The following MYH10 variants were observed in gnomAD, a reference collection of about 807,000 sequenced individuals.
The protein encoded by MYH10 is myosin heavy chain 10.
A neutral mutation model predicts 257.8 loss-of-function variants in MYH10; 55 were observed. The ratio of observed to expected loss-of-function variants is 0.21; its 90% CI spans 0.17 to 0.27. The LOEUF is 0.27. MYH10 is among the 10% of genes least tolerant of loss of function. The probability of loss-of-function intolerance (pLI) is 1.00; values close to 1 mark genes in which losing one functional copy is unlikely to be tolerated. For synonymous variants in MYH10, 854 were observed against 921.7 expected (o/e 0.93, Z 1.33); for missense variants, 1,631 against 2,500.6 (o/e 0.65, Z 7.42).
At chr17:8,523,770 A>T (rs2081739384) in intron 17 of MYH10, among the ~76,000 whole-genome samples, 1 of 152,218 alleles carries the variant, frequency 6.6e-6, no homozygotes, top group Non-Finnish European at 1.5e-5. Context: ...GGAAGATTCA[A>T]CAGGTATTTT....
At chr17:8,580,162 C>T (rs966670485) in intron 4 of MYH10, among the ~76,000 whole-genome samples, 3 of 152,036 alleles carry the variant, frequency 2.0e-5, no homozygotes, top group Admixed American at 2.0e-4. Flanking sequence ...ATTCCCCATA[C>T]CTGTGGCATA....
At chr17:8,583,986 T>C (rs1333676187) in intron 4 of MYH10, among the ~76,000 whole-genome samples, 1 of 152,206 alleles carries the variant, frequency 6.6e-6, no homozygotes, top group Non-Finnish European at 1.5e-5. Flanking sequence ...GACTGCTTTG[T>C]GAATTTTAAT....
intron 17 of MYH10, among the ~76,000 whole-genome samples, chr17:8,525,521 G>T (rs918709431): frequency 6.6e-6 from 1 of 152,210 alleles, no homozygotes; most frequent in East Asian, 1.9e-4. Context: ...GAACTTGCAC[G>T]AAGTTTACCA....
At chr17:8,524,697 A>G (rs1215803130) in intron 17 of MYH10, among the ~76,000 whole-genome samples, 6 of 151,764 alleles carry the variant, frequency 4.0e-5, no homozygotes, top group Non-Finnish European at 7.4e-5. Context: ...CTTCTCCCCC[A>G]TTTCATCCTC....
intron 3 of MYH10, among the ~76,000 whole-genome samples, chr17:8,598,237 A>G (rs1330589990): frequency 6.6e-6 from 1 of 152,180 alleles, no homozygotes; most frequent in Non-Finnish European, 1.5e-5. Flanking sequence ...TACTTCTCCC[A>G]TGGACAATGT....
In MYH10 at chr17:8,477,603, A is replaced by G. The variant is rs1464611646; in HGVS notation, c.5707-555T>C. Among the ~76,000 whole-genome samples the G allele has an allele frequency of 6.6e-6, 1 of 151,992 alleles. No individual in the cohort carries two copies. The highest frequency in any genetic ancestry group is 1.5e-5 in the Non-Finnish European group (1 of 68,012). On this transcript the variant is annotated intron_variant, in intron 41 of 42. Transcript: ENST00000360416. This position sits in a 1 kb window ranked among gnomAD's most constrained non-coding sequence, Gnocchi z 4.2. ...TCAGTGCTTCGTGGGTCCAGCGCAC[A>G]CCACCCTCAACTGTGCTCCGTGTTG...
Position 8,572,748 on chromosome 17 carries a change from G to A in MYH10, c.664-2936C>T, listed in dbSNP as rs1332625995. Among the ~76,000 whole-genome samples, 3 of 152,152 alleles carry A rather than the reference G, an allele frequency of 2.0e-5. No individual in the cohort carries two copies. In the East Asian group the frequency reaches 5.8e-4, roughly 29 times the overall value. Reference sequence around the variant, plus strand: ...TTGCTGGTCCCACTACATTGATAGTGTCATGGTATCACTCCTACTAATGGA... The same window carrying A: ...TTGCTGGTCCCACTACATTGATAGTATCATGGTATCACTCCTACTAATGGA... On this transcript the variant is annotated intron_variant, in intron 6 of 42. Transcript: ENST00000360416.
chr17:8,534,604 C>T (rs1391053374), intron 16 of MYH10, among the ~76,000 whole-genome samples: 3 of 152,190 alleles, frequency 2.0e-5, no homozygotes, highest in African/African-American at 7.2e-5. Flanking sequence ...GATTACAAGG[C>T]TTAAGATGCT....
intron 4 of MYH10, among the ~76,000 whole-genome samples, chr17:8,586,019 A>T (rs778670912): frequency 1.3e-5 from 2 of 152,168 alleles, no homozygotes; most frequent in South Asian, 4.1e-4. Context: ...ACATAAGGAA[A>T]CATCATCTAA....
intron 38 of MYH10, 95 bp from the exon 39 acceptor site, chr17:8,480,620 C>T: frequency 6.6e-7 from 1 of 1,515,448 alleles, no homozygotes; most frequent in Non-Finnish European, 8.9e-7. Flanking sequence ...TTGCTGGAAA[C>T]CTGAGCAGCC....
chr17:8,545,429 G>A lies in MYH10; in HGVS notation c.1431+19C>T, dbSNP rs1410006333. On this transcript the variant is annotated intron_variant, in intron 13 of 42. Transcript: ENST00000360416. This position sits in a 1 kb window ranked among gnomAD's most constrained non-coding sequence, Gnocchi z 4.7. ...CAAACAAAAAGAAGGACGAGCTAGA[G>A]GAAGAGGGGGAAGAATACCTCAAAA... 6.2e-7 allele frequency: 1 copy of A among 1,611,994 alleles called. No individual in the cohort carries two copies. Among genetic ancestry groups the A allele is most frequent in the Non-Finnish European group, 8.5e-7 (1 of 1,179,284 alleles).
At chr17:8,498,643 T>C (rs166563) in intron 30 of MYH10, among the ~76,000 whole-genome samples, 140,928 of 151,974 alleles carry the variant, frequency 0.93, 65,437 homozygotes, top group East Asian at 1. Context: ...GTCAGGAGAT[T>C]GAGACCATCC....
At chr17:8,550,545 C>T (rs568224748) in intron 9 of MYH10, among the ~76,000 whole-genome samples, 96 of 151,514 alleles carry the variant, frequency 6.3e-4, no homozygotes, top group African/African-American at 2.2e-3. Flanking sequence ...CCCGGCCAGC[C>T]GCCCTGCCCG....
chr17:8,573,052 A>G (rs1311866457), intron 6 of MYH10, among the ~76,000 whole-genome samples: 1 of 152,232 alleles, frequency 6.6e-6, no homozygotes, highest in African/African-American at 2.4e-5. Context: ...TGGAATGTAG[A>G]AAACAAGCAG....
intron 7 of MYH10, among the ~76,000 whole-genome samples, chr17:8,554,557 ATACAT>A (rs1165543332): frequency 2.6e-5 from 4 of 152,210 alleles, no homozygotes; most frequent in African/African-American, 4.8e-5. Context: ...TTTCTTTACT[ATACAT>A]AACTGTTTTA....
chr17:8,554,752 C>A (rs979832478), intron 7 of MYH10, among the ~76,000 whole-genome samples: 1 of 152,296 alleles, frequency 6.6e-6, no homozygotes, highest in South Asian at 2.1e-4. Context: ...GAGTTCAAGA[C>A]CAGCCCGGCC....
At chr17:8,565,521 G>C (rs770520364) in intron 7 of MYH10, among the ~76,000 whole-genome samples, 2 of 152,160 alleles carry the variant, frequency 1.3e-5, no homozygotes, top group African/African-American at 2.4e-5. Context: ...AATAAAAGTT[G>C]ACTTTCTAAG....
At chr17:8,522,837 C>T (rs1208646867) in intron 17 of MYH10, among the ~76,000 whole-genome samples, 1 of 152,140 alleles carries the variant, frequency 6.6e-6, no homozygotes, top group Admixed American at 6.5e-5. Context: ...TGAATAGACA[C>T]CACCCAGTGC....
At chr17:8,546,422 C>A in intron 12 of MYH10, 122 bp downstream of exon 12, 2 of 725,420 alleles carry the variant, frequency 2.8e-6, no homozygotes, top group South Asian at 2.5e-5. Flanking sequence ...TCATTTAGTA[C>A]CTAAAAACAC....
Sources: gnomAD v4.1 joint callset for allele counts (sites outside exome capture counted in the v4.1 genomes callset) on GRCh38, gnomAD v4.1.1 for gene constraint, Gnocchi (gnomAD v3.1) non-coding constraint, MANE v1.5 for transcripts, NCBI Gene and HGNC (gene_info 2026-07-23, HGNC 2026-07-21) for gene names.